Variants in CSMD3 observed in about 807,000 individuals in gnomAD.
CSMD3 encodes CUB and Sushi multiple domains 3.
A neutral mutation model predicts 435.2 loss-of-function variants in CSMD3; 177 were observed. The ratio of observed to expected loss-of-function variants is 0.41; its 90% CI spans 0.36 to 0.46. The LOEUF (loss-of-function observed/expected upper bound fraction) is 0.46. CSMD3 is among the 20% of genes least tolerant of loss of function. The probability of loss-of-function intolerance (pLI) is 0.34; values close to 1 mark genes in which losing one functional copy is unlikely to be tolerated. For missense variants in CSMD3, 4,265 were observed against 4,504.6 expected, an observed-to-expected ratio of 0.95 and a Z score of 1.52; for synonymous variants, 1,656 against 1,520.5, an observed-to-expected ratio of 1.09 and a Z score of -2.07.
rs575401715 is a variant in CSMD3 at position 112,224,945 on chromosome 8, A to G, written c.10965-15T>C. 1.9e-5 allele frequency: 31 copies of G among 1,613,076 alleles called. No individual in the cohort carries two copies. Among genetic ancestry groups the G allele is most frequent in the African/African-American group, 5.3e-5 (4 of 75,030 alleles). ...TAGGTGCAGTCCTGTTGATGAGAAC[A>G]TTGATTAGCTATGTGTTAACTTTCT... On this transcript the variant is annotated splice_polypyrimidine_tract_variant and intron_variant, in intron 70 of 70. Transcript: ENST00000297405.
chr8:112,623,436 C>T (rs982899406), intron 22 of CSMD3, among the ~76,000 whole-genome samples: 1 of 152,088 alleles, frequency 6.6e-6, no homozygotes, highest in Non-Finnish European at 1.5e-5. Flanking sequence ...TCCTAATTCT[C>T]ACATCATAGT....
intron 59 of CSMD3, among the ~76,000 whole-genome samples, chr8:112,271,913 T>G (rs539678680): frequency 6.6e-6 from 1 of 152,308 alleles, no homozygotes; most frequent in South Asian, 2.1e-4. Flanking sequence ...GTAGGGGCTT[T>G]GGGAAGTTAT....
At chr8:112,275,417 G>A (rs1353229867) in intron 59 of CSMD3, among the ~76,000 whole-genome samples, 1 of 151,940 alleles carries the variant, frequency 6.6e-6, no homozygotes, top group African/African-American at 2.4e-5. Flanking sequence ...CATGGTGGTG[G>A]GTGTCTGTAA....
chr8:112,890,370 A>G (rs2081748089), intron 10 of CSMD3, among the ~76,000 whole-genome samples: 1 of 151,742 alleles, frequency 6.6e-6, no homozygotes, highest in Admixed American at 6.6e-5. Flanking sequence ...CAGCCATTTT[A>G]GAAACATGAG....
chr8:112,404,266 G>A (rs539391535), intron 35 of CSMD3, among the ~76,000 whole-genome samples: 3 of 152,024 alleles, frequency 2.0e-5, no homozygotes, highest in Admixed American at 6.6e-5. Context: ...GCGGTGGCTC[G>A]CACCTATAAT....
intron 2 of CSMD3, among the ~76,000 whole-genome samples, chr8:113,299,278 G>C (rs2093745578): frequency 6.6e-6 from 1 of 152,088 alleles, no homozygotes; most frequent in Admixed American, 6.6e-5. Flanking sequence ...ATAAGATAGT[G>C]TTAATTCTAG....
chr8:112,272,680 T>G (rs2130491502), intron 59 of CSMD3, among the ~76,000 whole-genome samples: 1 of 152,234 alleles, frequency 6.6e-6, no homozygotes, highest in South Asian at 2.1e-4. Context: ...ATTCCCAAAA[T>G]AATATGATTC....
intron 13 of CSMD3, among the ~76,000 whole-genome samples, chr8:112,783,475 AAGGAAGGG>A (rs1206706009): frequency 1.0e-5 from 1 of 98,068 alleles, no homozygotes; most frequent in African/African-American, 4.2e-5. Flanking sequence ...GGAAGGAAGG[AAGGAAGGG>A]AGAGAAGGGA....
At chr8:112,533,555 C>G (rs1045878114) in intron 27 of CSMD3, among the ~76,000 whole-genome samples, 9 of 151,798 alleles carry the variant, frequency 5.9e-5, no homozygotes, top group Non-Finnish European at 1.2e-4. Context: ...GTCCATTTAT[C>G]AAGAGGATAT....
intron 70 of CSMD3, 35 bp downstream of exon 70, chr8:112,228,721 G>A (rs2129832202): frequency 6.3e-7 from 1 of 1,582,684 alleles, no homozygotes; most frequent in Non-Finnish European, 8.7e-7. Context: ...AACAGATTTG[G>A]GAAACATTTT....
At chr8:112,911,750 TTATAA>T (rs970656720) in intron 10 of CSMD3, among the ~76,000 whole-genome samples, 3 of 146,042 alleles carry the variant, frequency 2.1e-5, no homozygotes, top group Admixed American at 1.4e-4. Flanking sequence ...TATGTATACA[TTATAA>T]TATATTTAGT....
At chr8:113,346,867 G>C (rs1374730799) in intron 1 of CSMD3, among the ~76,000 whole-genome samples, 1 of 151,872 alleles carries the variant, frequency 6.6e-6, no homozygotes, top group Non-Finnish European at 1.5e-5. Context: ...TACAGATTTG[G>C]GGTACCAATG....
rs940441521 is a variant in CSMD3, at chr8:112,224,804, A to T, written c.11091T>A (p.Asp3697Glu). ...TTGTGCAAACCGTGTTCAAGTTGGG[A>T]TCAAATCGTACCGCCTTCCCTTCCA... ...KSVEGKAVRF[D>E]PNLNTVCTMV The change falls in exon 71 of 71, where the codon GAT (aspartate) becomes GAA (glutamate). Residue 3697 changes from aspartate to glutamate, a missense_variant. By Grantham distance (45) the Asp-to-Glu change is conservative. Around this residue, in one of 3 missense-constraint regions of CSMD3, gnomAD observed 3,255 missense variants for 3,380.2 expected, o/e 0.96. Transcript: ENST00000297405. The T allele has an allele frequency of 1.2e-6, 2 of 1,613,926 alleles. No individual in the cohort carries two copies. Among genetic ancestry groups the T allele is most frequent in the African/African-American group, 2.7e-5 (2 of 74,912 alleles).
At chr8:112,352,368 T>C in intron 39 of CSMD3, 48 bp downstream of exon 39, 1 of 1,609,688 alleles carries the variant, frequency 6.2e-7, no homozygotes, top group South Asian at 1.1e-5. Context: ...TGTAAAATAT[T>C]CTGAAAGGGC....
At chr8:112,490,381 G>T (rs1820565861) in intron 31 of CSMD3, among the ~76,000 whole-genome samples, 1 of 152,048 alleles carries the variant, frequency 6.6e-6, no homozygotes, top group Non-Finnish European at 1.5e-5. Context: ...GGCCATAAGT[G>T]ATCCTATAAA....
Position 112,265,530 on chromosome 8 carries a change from A to G in CSMD3, c.9569T>C (p.Val3190Ala), listed in dbSNP as rs1440972423. ...CATGTAAGAAACATTTTGTCCAACCACATAATCATCTCCATATCTCAGTCC... is the reference window on the plus strand; with the variant it reads ...CATGTAAGAAACATTTTGTCCAACCGCATAATCATCTCCATATCTCAGTCC... ...ANGLRYGDDYVVGQNVSYMCQ... is the reference protein window; with the variant it reads ...ANGLRYGDDYAVGQNVSYMCQ... Residue 3190 changes from valine to alanine, a missense_variant, in exon 60 of 71, where the codon GTG becomes GCG. Val to Ala is a moderately conservative substitution (Grantham distance 64). This residue lies in a region of CSMD3 where 3,255 missense variants were observed against 3,380.2 expected (regional missense o/e 0.96). Coordinates refer to ENST00000297405, the MANE Select transcript of CSMD3 (RefSeq NM_198123.2). The G allele has an allele frequency of 6.8e-6, 11 of 1,613,668 alleles. No homozygotes were observed. Among genetic ancestry groups the G allele is most frequent in the Non-Finnish European group, 9.3e-6 (11 of 1,179,622 alleles).
At chr8:112,490,121 T>C (rs1471901978) in intron 31 of CSMD3, among the ~76,000 whole-genome samples, 3 of 152,192 alleles carry the variant, frequency 2.0e-5, no homozygotes, top group East Asian at 1.9e-4. Context: ...ACAACTCCCA[T>C]ATATTTATAT....
At chr8:112,943,679 T>A (rs1321777501) in intron 9 of CSMD3, among the ~76,000 whole-genome samples, 1 of 151,796 alleles carries the variant, frequency 6.6e-6, no homozygotes, top group African/African-American at 2.4e-5. Flanking sequence ...TTCTTCTGGG[T>A]GATTTCCATA....
chr8:113,149,688 T>C (rs1260104565), intron 4 of CSMD3, among the ~76,000 whole-genome samples: 1 of 151,942 alleles, frequency 6.6e-6, no homozygotes, highest in Non-Finnish European at 1.5e-5. Flanking sequence ...AAATGGTATA[T>C]TTCTCTAAAA....
Sources: allele counts gnomAD v4.1 joint callset (sites outside exome capture counted in the v4.1 genomes callset), GRCh38; gene constraint gnomAD v4.1.1; regional missense constraint gnomAD v4.1.1; transcripts MANE v1.5; gene names NCBI Gene and HGNC (gene_info 2026-07-23, HGNC 2026-07-21).